Variants in AFAP1 observed in about 807,000 individuals in gnomAD.
The protein encoded by AFAP1 is actin filament associated protein 1.
In AFAP1, 75 loss-of-function variants were observed where a neutral mutation model predicts 93.9. That is an observed-to-expected ratio of 0.80 (90% CI 0.66 to 0.97). The LOEUF (loss-of-function observed/expected upper bound fraction) is 0.97. Among genes scored for constraint, AFAP1 ranks in the 50% least tolerant of loss-of-function variants. The probability of loss-of-function intolerance (pLI) is 0.00; values close to 1 mark genes in which losing one functional copy is unlikely to be tolerated. For synonymous variants in AFAP1, 517 were observed against 430.7 expected (o/e 1.20, Z -2.48); for missense variants, 1,201 against 1,050.8 (o/e 1.14, Z -1.98).
intron 1 of AFAP1, among the ~76,000 whole-genome samples, chr4:7,910,852 C>T (rs146552736): frequency 5.3e-5 from 8 of 152,326 alleles, no homozygotes; most frequent in East Asian, 1.9e-4. Flanking sequence ...GGTTGAGACA[C>T]GTATTCCCAC....
intron 9 of AFAP1, among the ~76,000 whole-genome samples, chr4:7,803,022 C>A (rs747872264): frequency 6.6e-6 from 1 of 152,214 alleles, no homozygotes; most frequent in Admixed American, 6.5e-5. Context: ...GCGCTGGGAA[C>A]CACGTGCTCG....
At chr4:7,895,438 G>A (rs1366459976) in intron 1 of AFAP1, among the ~76,000 whole-genome samples, 1 of 152,100 alleles carries the variant, frequency 6.6e-6, no homozygotes. Flanking sequence ...CCACTTTAAA[G>A]AGCGGTTATG....
intron 9 of AFAP1, among the ~76,000 whole-genome samples, 185 bp from the exon 10 acceptor site, chr4:7,800,838 T>C (rs1718956482): frequency 6.6e-6 from 1 of 152,040 alleles, no homozygotes; most frequent in East Asian, 1.9e-4. Flanking sequence ...GCATCACAAG[T>C]TTTGGGGGCT....
At chr4:7,797,015 G>A (rs1281638513) in intron 10 of AFAP1, among the ~76,000 whole-genome samples, 1 of 147,260 alleles carries the variant, frequency 6.8e-6, no homozygotes, top group Non-Finnish European at 1.5e-5. Flanking sequence ...AGCCGAGATT[G>A]CGCCACTGCA....
intron 1 of AFAP1, among the ~76,000 whole-genome samples, chr4:7,922,424 G>A (rs1303505694): frequency 6.6e-6 from 1 of 152,210 alleles, no homozygotes; most frequent in African/African-American, 2.4e-5. Flanking sequence ...TTCAAGTCTT[G>A]AAGGATGGAG....
At chr4:7,842,224 T>G (rs542731452) in intron 5 of AFAP1, among the ~76,000 whole-genome samples, 2 of 104,486 alleles carry the variant, frequency 1.9e-5, no homozygotes, top group Admixed American at 2.1e-4. Flanking sequence ...ACAAAAACAT[T>G]AAAAAATATA....
intron 4 of AFAP1, among the ~76,000 whole-genome samples, chr4:7,850,558 G>A (rs1243279752): frequency 5.3e-5 from 8 of 152,248 alleles, no homozygotes; most frequent in South Asian, 2.1e-4. Flanking sequence ...TAACTGGAAC[G>A]CCACTTCCAT....
At chr4:7,845,633 G>A (rs373074966) in intron 4 of AFAP1, among the ~76,000 whole-genome samples, 14 of 151,914 alleles carry the variant, frequency 9.2e-5, no homozygotes, top group African/African-American at 2.9e-4. Context: ...TCTCTGCCCC[G>A]CTTCTGCCCC....
intron 9 of AFAP1, among the ~76,000 whole-genome samples, chr4:7,802,098 A>G (rs56177309): frequency 0.12 from 17,564 of 152,108 alleles, 1,247 homozygotes; most frequent in East Asian, 0.27. Context: ...TTTATTACTT[A>G]TAACTATTGG....
chr4:7,850,054 T>C (rs944011819), intron 4 of AFAP1, among the ~76,000 whole-genome samples: 2 of 152,154 alleles, frequency 1.3e-5, no homozygotes, highest in Non-Finnish European at 2.9e-5. Context: ...TTGAGTGGGA[T>C]GGGATGCCAC....
At chr4:7,886,892 T>C (rs1430657402) in intron 1 of AFAP1, among the ~76,000 whole-genome samples, 2 of 152,210 alleles carry the variant, frequency 1.3e-5, no homozygotes, top group African/African-American at 4.8e-5. Context: ...AGAAGGTCAA[T>C]TTAGTTCAGT....
At chr4:7,830,738 A>G (rs1319045612) in intron 6 of AFAP1, among the ~76,000 whole-genome samples, 6 of 152,014 alleles carry the variant, frequency 3.9e-5, no homozygotes, top group Admixed American at 6.6e-5. Context: ...GCCCCTCAAG[A>G]AGCTGGGACT....
At chr4:7,848,279 G>C (rs540613165) in intron 4 of AFAP1, among the ~76,000 whole-genome samples, 6 of 151,492 alleles carry the variant, frequency 4.0e-5, no homozygotes, top group East Asian at 2.0e-4. Context: ...GATTTATTAG[G>C]GGGGATGGCT....
intron 9 of AFAP1, among the ~76,000 whole-genome samples, chr4:7,802,636 ATTC>A (rs755088121): frequency 8.5e-6 from 1 of 118,006 alleles, no homozygotes; most frequent in African/African-American, 3.3e-5. Flanking sequence ...CAATACATTT[ATTC>A]TTTTTTTTTT....
At chr4:7,788,013 G>A (rs1013468631) in intron 11 of AFAP1, among the ~76,000 whole-genome samples, 1 of 152,154 alleles carries the variant, frequency 6.6e-6, no homozygotes, top group Non-Finnish European at 1.5e-5. Context: ...CTCCCCTCCG[G>A]GCCCAGGGCA....
intron 6 of AFAP1, among the ~76,000 whole-genome samples, chr4:7,834,617 CAGA>C (rs1327326870): frequency 3.9e-5 from 6 of 152,242 alleles, no homozygotes; most frequent in Admixed American, 2.6e-4. Flanking sequence ...GGCCAAAATC[CAGA>C]AGAAGATGGA....
chr4:7,800,702 G>T, intron 9 of AFAP1, 49 bp from the exon 10 acceptor site: 1 of 1,598,458 alleles, frequency 6.3e-7, no homozygotes, highest in South Asian at 1.1e-5. Flanking sequence ...AAGACCAGGC[G>T]AGGTGAAGAC....
chr4:7,925,470 T>G (rs1379316085), intron 1 of AFAP1, among the ~76,000 whole-genome samples: 1 of 152,090 alleles, frequency 6.6e-6, no homozygotes, highest in African/African-American at 2.4e-5. Flanking sequence ...CCCAGCACTT[T>G]GGGAGGCCGA....
At chr4:7,764,419 GTA>G (rs1491492629) in intron 17 of AFAP1, among the ~76,000 whole-genome samples, 1 of 152,118 alleles carries the variant, frequency 6.6e-6, no homozygotes, top group Non-Finnish European at 1.5e-5. Flanking sequence ...AGAATAGTGG[GTA>G]TCAAGGGCTG....
Sources: gnomAD v4.1 joint callset for allele counts (sites outside exome capture counted in the v4.1 genomes callset) on GRCh38, gnomAD v4.1.1 for gene constraint, MANE v1.5 for transcripts, NCBI Gene and HGNC (gene_info 2026-07-23, HGNC 2026-07-21) for gene names.